The following MBTPS1 variants were observed in gnomAD, a reference collection of about 807,000 sequenced individuals.
MBTPS1 encodes the protein membrane bound transcription factor peptidase, site 1, also known as membrane-bound transcription factor site-1 protease.
MBTPS1 carries 94 observed loss-of-function variants against 127.8 expected under a neutral mutation model. The observed-to-expected ratio is 0.74, with a 90% confidence interval of 0.62 to 0.87. MBTPS1 has a LOEUF of 0.87. Ranked by LOEUF, MBTPS1 falls within the 40% of genes least tolerant of loss-of-function variation. The probability of loss-of-function intolerance (pLI) is 0.00; values close to 1 mark genes in which losing one functional copy is unlikely to be tolerated. For synonymous variants in MBTPS1, 632 were observed against 509.4 expected, an observed-to-expected ratio of 1.24 and a Z score of -3.24; for missense variants, 1,636 against 1,353.2, an observed-to-expected ratio of 1.21 and a Z score of -3.28.
At chr16:84,067,893 G>A in intron 15 of MBTPS1, 70 bp from the exon 16 acceptor site, 1 of 1,445,306 alleles carries the variant, frequency 6.9e-7, no homozygotes, top group South Asian at 1.2e-5. Flanking sequence ...GGCAGAAACA[G>A]TGTCACCAGG....
At position 84,055,958 on chromosome 16, in the gene MBTPS1, A is replaced by G. The variant is rs764034888; in HGVS notation, c.2962+47T>C. ...GGGAGGGAGGGAGACTCCTTTGAAC[A>G]AAATACAGGATGACTGAGCACAATC... On this transcript the variant is annotated intron_variant, in intron 22 of 22. Coordinates refer to ENST00000343411, the MANE Select transcript of MBTPS1 (RefSeq NM_003791.4). 15 of 1,586,690 alleles carry G rather than the reference A, an allele frequency of 9.5e-6. No homozygotes were observed. In the Admixed American group the frequency reaches 2.5e-4, roughly 27 times the overall value.
At chr16:84,063,728 T>C (rs775183132) in intron 18 of MBTPS1, among the ~76,000 whole-genome samples, 4 of 152,120 alleles carry the variant, frequency 2.6e-5, no homozygotes, top group Non-Finnish European at 5.9e-5. Context: ...TATTTACAAT[T>C]GCAAAGGTGC....
intron 15 of MBTPS1, 141 bp downstream of exon 15, chr16:84,068,198 C>A: frequency 1.5e-6 from 1 of 656,912 alleles, no homozygotes; most frequent in East Asian, 2.6e-5. Context: ...GAGCCTCGCC[C>A]CAGGCTCACC....
chr16:84,062,728 A>G (rs1203170189), intron 19 of MBTPS1, among the ~76,000 whole-genome samples: 3 of 152,126 alleles, frequency 2.0e-5, no homozygotes, highest in Admixed American at 6.5e-5. Flanking sequence ...AAGCCCCCAA[A>G]TCCAACGGAT....
In MBTPS1 at chr16:84,068,335, T is replaced by TTACCA; in HGVS notation, c.2070_2071+3dup. 1 of 1,594,992 alleles carries TTACCA rather than the reference T, an allele frequency of 6.3e-7. No homozygotes were observed. The highest frequency in any genetic ancestry group is 8.6e-7 in the Non-Finnish European group (1 of 1,162,694). ...CATCTGGCTAGCACAGCAGTGCCAC[T>TTACCA]TACCATACTGACTGGCATCAAAACA... On this transcript the variant is annotated splice_donor_region_variant and intron_variant, in intron 15 of 22. Transcript: ENST00000343411.
chr16:84,080,787 T>G (rs1260959428), intron 11 of MBTPS1, among the ~76,000 whole-genome samples: 2 of 152,248 alleles, frequency 1.3e-5, no homozygotes, highest in South Asian at 2.1e-4. Context: ...AGATCAGCAC[T>G]GCAGTTCCTG....
chr16:84,101,359 C>T (rs2086252123), intron 2 of MBTPS1, among the ~76,000 whole-genome samples: 1 of 151,794 alleles, frequency 6.6e-6, no homozygotes, highest in Non-Finnish European at 1.5e-5. Flanking sequence ...GGGACGGTGG[C>T]AGTCACCTAT....
Position 84,068,540 on chromosome 16 carries a change from A to T in MBTPS1, c.1956-86T>A, listed in dbSNP as rs2085724491. Reference sequence around the variant, plus strand: ...CTGGCCACAGGGCCGGCTCTGCAAGAGCACCATGCCATGGCCCACAGAGAA... The same window carrying T: ...CTGGCCACAGGGCCGGCTCTGCAAGTGCACCATGCCATGGCCCACAGAGAA... On this transcript the variant is annotated intron_variant, in intron 14 of 22. Transcript: ENST00000343411. 4 of 903,766 alleles carry T rather than the reference A, an allele frequency of 4.4e-6. No homozygotes were observed. The Admixed American group carries it at 5.9e-5, about 13-fold the overall frequency. The allele number at this position is 903,766 out of a possible 1,614,324, so 56.0% of individuals were successfully genotyped here.
intron 8 of MBTPS1, among the ~76,000 whole-genome samples, chr16:84,089,108 G>A (rs2086069327): frequency 6.6e-6 from 1 of 152,228 alleles, no homozygotes; most frequent in Admixed American, 6.5e-5. Flanking sequence ...AGACAGGTAT[G>A]GCCAGGAGGA....
chr16:84,070,179 A>G, intron 13 of MBTPS1, 141 bp from the exon 14 acceptor site: 1 of 721,198 alleles, frequency 1.4e-6, no homozygotes, highest in Non-Finnish European at 2.2e-6. Context: ...CTGATGAAAG[A>G]TTCATGTATC....
At chr16:84,080,639 G>A (rs1262123004) in intron 11 of MBTPS1, among the ~76,000 whole-genome samples, 2 of 152,272 alleles carry the variant, frequency 1.3e-5, no homozygotes, top group African/African-American at 4.8e-5. Flanking sequence ...GCACACAGGA[G>A]GCACCAGGGC....
intron 20 of MBTPS1, 115 bp from the exon 21 acceptor site, chr16:84,059,543 C>A: frequency 1.1e-6 from 1 of 951,798 alleles, no homozygotes; most frequent in East Asian, 2.7e-5. Flanking sequence ...CAGCACAGAG[C>A]CCCTGTGCTC....
intron 12 of MBTPS1, among the ~76,000 whole-genome samples, chr16:84,072,900 G>A (rs2085793404): frequency 6.6e-6 from 1 of 152,220 alleles, no homozygotes; most frequent in Non-Finnish European, 1.5e-5. Flanking sequence ...TTGGTAGGAT[G>A]TGCCAAGAGC....
chr16:84,077,327 G>C (rs2085873555), intron 11 of MBTPS1, among the ~76,000 whole-genome samples: 1 of 150,996 alleles, frequency 6.6e-6, no homozygotes, highest in Admixed American at 6.6e-5. Flanking sequence ...AGGGGAACTA[G>C]CACTAACAGA....
chr16:84,098,379 G>A (rs1309080286), intron 3 of MBTPS1, among the ~76,000 whole-genome samples: 1 of 152,212 alleles, frequency 6.6e-6, no homozygotes, highest in Non-Finnish European at 1.5e-5. Flanking sequence ...GGGAGGCTGA[G>A]GCAGGCAGAT....
chr16:84,068,531 C>T (rs1168705795), intron 14 of MBTPS1, 77 bp from the exon 15 acceptor site: 3 of 974,294 alleles, frequency 3.1e-6, no homozygotes, highest in Non-Finnish European at 4.9e-6. Flanking sequence ...ACAGGGCCGG[C>T]TCTGCAAGAG....
At chr16:84,055,965 AG>A (rs758965273) in intron 22 of MBTPS1, 39 bp downstream of exon 22, 91 of 1,593,312 alleles carry the variant, frequency 5.7e-5, no homozygotes, top group Middle Eastern at 4.3e-4. Flanking sequence ...AACAAAATAC[AG>A]GATGACTGAG....
In MBTPS1 at chr16:84,099,225, G is replaced by A. The variant is rs199774425; in HGVS notation, c.249C>T (p.Asp83=). ...ISSALKSSEV[D]NWRIIPRNNP... is the part of the protein sequence containing the mutation. Reference sequence around the variant, plus strand: ...TGTTTCGAGGTATAATTCTCCAATTGTCTACTTCACTGCTCTTCAGGGCAC... The same window carrying A: ...TGTTTCGAGGTATAATTCTCCAATTATCTACTTCACTGCTCTTCAGGGCAC... Residue 83 remains aspartate, a synonymous_variant, in exon 3 of 23, where the codon GAC becomes GAT. Coordinates refer to ENST00000343411, the MANE Select transcript of MBTPS1 (RefSeq NM_003791.4). 7.6e-5 allele frequency: 123 copies of A among 1,614,054 alleles called. No homozygotes were observed. The highest frequency in any genetic ancestry group is 2.8e-4 in the Admixed American group (17 of 60,006).
In MBTPS1 at chr16:84,116,892, A is replaced by C. The variant is rs1359431351; in HGVS notation, c.-482T>G. 1 of 152,168 alleles carries C rather than the reference A, an allele frequency of 6.6e-6. No homozygotes were observed. Among genetic ancestry groups the C allele is most frequent in the South Asian group, 2.1e-4 (1 of 4,820 alleles). 9.4% of individuals were successfully genotyped at this position (152,168 alleles called of 1,614,324 possible). Reference sequence around the variant, plus strand: ...ACAGCTGGGAGCCTCAGCTCCGCCGACCCAGCGTGCCCTGTCTGTCCCGCG... The same window carrying C: ...ACAGCTGGGAGCCTCAGCTCCGCCGCCCCAGCGTGCCCTGTCTGTCCCGCG... On this transcript the variant is annotated 5_prime_UTR_variant, in exon 1 of 23. Coordinates refer to ENST00000343411, the MANE Select transcript of MBTPS1 (RefSeq NM_003791.4).
Sources: allele counts gnomAD v4.1 joint callset (sites outside exome capture counted in the v4.1 genomes callset), GRCh38; gene constraint gnomAD v4.1.1; transcripts MANE v1.5; gene names NCBI Gene and HGNC (gene_info 2026-07-23, HGNC 2026-07-21).